The following SLC43A1 variants were observed in gnomAD, a reference collection of about 807,000 sequenced individuals.
SLC43A1 encodes large neutral amino acids transporter small subunit 3.
Under a neutral mutation model 59.5 loss-of-function variants are expected in SLC43A1, and 31 were observed. That is an observed-to-expected ratio of 0.52 (90% CI 0.39 to 0.70). The LOEUF is 0.70. Among genes scored for constraint, SLC43A1 ranks in the 30% least tolerant of loss-of-function variants. The pLI is 0.00. For missense variants in SLC43A1, 598 were observed against 717.8 expected (o/e 0.83, Z 1.91); for synonymous variants, 259 against 290.9 (o/e 0.89, Z 1.12).
chr11:57,501,214 G>C lies in SLC43A1; in HGVS notation c.270C>G (p.Thr90=), dbSNP rs1944257461. The change falls in exon 3 of 15, where the codon ACC becomes ACG. Residue 90 remains threonine, a synonymous_variant. Coordinates refer to ENST00000278426, the MANE Select transcript of SLC43A1 (RefSeq NM_003627.6). ...CCATGAGGATCCCCAGTGGCAGGGT[G>C]GTGGCGCTGAGCACGAAGGAACCAA... ...FTIGSFVLSA[T]TLPLGILMDR... 5.0e-6 allele frequency: 8 copies of C among 1,612,376 alleles called. No individual in the cohort carries two copies. Among genetic ancestry groups the C allele is most frequent in the Non-Finnish European group, 6.8e-6 (8 of 1,180,028 alleles).
At chr11:57,487,312 C>T in intron 13 of SLC43A1, 94 bp from the exon 14 acceptor site, 1 of 1,482,334 alleles carries the variant, frequency 6.7e-7, no homozygotes, top group Non-Finnish European at 9.2e-7. Flanking sequence ...TCCCCGCTGG[C>T]CAGGCAGGGT....
Position 57,489,397 on chromosome 11 carries a change from G to A in SLC43A1, c.1194-5C>T. On this transcript the variant is annotated splice_region_variant and splice_polypyrimidine_tract_variant and intron_variant, in intron 11 of 14. Transcript: ENST00000278426. The stretch of plus-strand genomic sequence containing the variant: ...GATTTGGTAGCAACCCCGTCCCTGA[G>A]GAGTACGGGAAGTCACTGGCTGCTG... The A allele has an allele frequency of 1.2e-6, 2 of 1,614,076 alleles. No homozygotes were observed. The highest frequency in any genetic ancestry group is 1.7e-6 in the Non-Finnish European group (2 of 1,179,960).
intron 11 of SLC43A1, among the ~76,000 whole-genome samples, chr11:57,490,232 C>T (rs1590747540): frequency 6.6e-6 from 1 of 152,000 alleles, no homozygotes; most frequent in East Asian, 1.9e-4. Flanking sequence ...TCGCTTGAAC[C>T]TGGGAGGCAG....
chr11:57,496,504 C>T (rs557457370), intron 6 of SLC43A1, among the ~76,000 whole-genome samples: 37 of 152,302 alleles, frequency 2.4e-4, no homozygotes, highest in African/African-American at 8.7e-4. Flanking sequence ...TGTTCATGTT[C>T]GCACAAAAAT....
At position 57,495,359 on chromosome 11, in the gene SLC43A1, G is replaced by A. The variant is rs376899200; in HGVS notation, c.692+672C>T. On this transcript the variant is annotated intron_variant, in intron 7 of 14. Transcript: ENST00000278426. ...ACAAAAATTAGCTGGGTGTGGTGGC[G>A]CGTGCCTGTAATCCCAGCTATTCAG... is the stretch of plus-strand genomic sequence containing the variant. Among the ~76,000 whole-genome samples, 27 of 152,030 alleles carry A rather than the reference G, an allele frequency of 1.8e-4. No homozygotes were observed. The East Asian group carries it at 2.4e-3, about 13-fold the overall frequency.
rs2135134350 is a variant in SLC43A1, at chr11:57,484,933, C to T, written c.*163G>A. ...GGGGGCGTTTTTGAAGGTTTTTTTT[C>T]CTCCTTTTTGCAGTCTTTACAAAAA... On this transcript the variant is annotated 3_prime_UTR_variant, in exon 15 of 15. Transcript: ENST00000278426. 1.2e-6 allele frequency: 1 copy of T among 853,872 alleles called. No homozygotes were observed. Among genetic ancestry groups the T allele is most frequent in the African/African-American group, 1.7e-5 (1 of 58,194 alleles). The allele number at this position is 853,872 out of a possible 1,614,324, so 52.9% of individuals were successfully genotyped here. A position where few individuals can be genotyped will look rare whatever the true frequency, so the allele number is the denominator to read the frequency against.
chr11:57,487,958 G>C lies in SLC43A1; in HGVS notation c.1410-740C>G, dbSNP rs767554502. On this transcript the variant is annotated intron_variant, in intron 13 of 14. Coordinates refer to ENST00000278426, the MANE Select transcript of SLC43A1 (RefSeq NM_003627.6). ...TGGCTGTGGCAGAGTGAACAATGGA[G>C]GAGGGGGAGCTAGAGGGGAGTGAAG... Among the ~76,000 whole-genome samples the C allele has an allele frequency of 5.3e-4, 81 of 152,312 alleles. 1 individual carries two copies. The highest frequency in any genetic ancestry group is 4.0e-3 in the Admixed American group (61 of 15,304).
chr11:57,508,852 C>A (rs1944456418), intron 2 of SLC43A1, among the ~76,000 whole-genome samples: 1 of 152,144 alleles, frequency 6.6e-6, no homozygotes, highest in South Asian at 2.1e-4. Context: ...CACGGTGGCT[C>A]CCACCTGTAA....
chr11:57,487,496 TG>T (rs1290614915), intron 13 of SLC43A1, among the ~76,000 whole-genome samples: 1 of 152,128 alleles, frequency 6.6e-6, no homozygotes, highest in Non-Finnish European at 1.5e-5. Flanking sequence ...GGGATGGCAT[TG>T]ACCTCGCAGG....
intron 2 of SLC43A1, among the ~76,000 whole-genome samples, chr11:57,504,017 C>A (rs1310153653): frequency 6.6e-6 from 1 of 151,890 alleles, no homozygotes; most frequent in Non-Finnish European, 1.5e-5. Context: ...CACGGTGAAA[C>A]CCCATCTCTA....
At chr11:57,503,264 G>C (rs1018149068) in intron 2 of SLC43A1, among the ~76,000 whole-genome samples, 4 of 148,128 alleles carry the variant, frequency 2.7e-5, no homozygotes, top group African/African-American at 5.0e-5. Context: ...CTATAATTTA[G>C]TGATCTTTAT....
chr11:57,489,666 G>A lies in SLC43A1; in HGVS notation c.1194-274C>T, dbSNP rs186098560. ...TCATCTCGGCCCTCAGAATCTCAGCGGGGATATCTGCAAATCTGCATTTGG... is the reference window on the plus strand; with the variant it reads ...TCATCTCGGCCCTCAGAATCTCAGCAGGGATATCTGCAAATCTGCATTTGG... On this transcript the variant is annotated intron_variant, in intron 11 of 14. Coordinates refer to ENST00000278426, the MANE Select transcript of SLC43A1 (RefSeq NM_003627.6). 1.2e-4 allele frequency among the ~76,000 whole-genome samples: 19 copies of A among 152,226 alleles called. No homozygotes were observed. In the East Asian group the frequency reaches 2.9e-3, roughly 23 times the overall value.
chr11:57,499,942 C>G (rs1040137678), intron 5 of SLC43A1, among the ~76,000 whole-genome samples: 4 of 152,164 alleles, frequency 2.6e-5, no homozygotes, highest in Admixed American at 2.6e-4. Flanking sequence ...TCCTTTAGAG[C>G]TGTGAAATGT....
At chr11:57,512,784 A>G (rs1323000454) in intron 2 of SLC43A1, among the ~76,000 whole-genome samples, 1 of 151,524 alleles carries the variant, frequency 6.6e-6, no homozygotes, top group Non-Finnish European at 1.5e-5. Context: ...CTGTCACCCC[A>G]TAATTGGGGC....
At chr11:57,504,280 G>T (rs1002016741) in intron 2 of SLC43A1, among the ~76,000 whole-genome samples, 1 of 152,180 alleles carries the variant, frequency 6.6e-6, no homozygotes. Flanking sequence ...GCCAGGGCTT[G>T]CCTTCTCAAG....
intron 2 of SLC43A1, among the ~76,000 whole-genome samples, chr11:57,504,847 C>T (rs1320239804): frequency 6.6e-6 from 1 of 152,168 alleles, no homozygotes; most frequent in Non-Finnish European, 1.5e-5. Context: ...CCTGTTTTAT[C>T]GATCAGCCTT....
At chr11:57,513,506 A>C (rs1280368131) in intron 2 of SLC43A1, among the ~76,000 whole-genome samples, 2 of 152,230 alleles carry the variant, frequency 1.3e-5, no homozygotes, top group Non-Finnish European at 2.9e-5. Flanking sequence ...AGAGTAAATG[A>C]GGCTATGTAA....
At chr11:57,494,487 G>A in intron 7 of SLC43A1, 1 of 372,734 alleles carries the variant, frequency 2.7e-6, no homozygotes, top group Non-Finnish European at 4.8e-6. Context: ...ACCCTCCTTT[G>A]AATGGCATGA....
rs1447985791 is a variant in SLC43A1, at chr11:57,485,242, C to T, written c.1534G>A (p.Val512Met). 2 of 1,611,066 alleles carry T rather than the reference C, an allele frequency of 1.2e-6. No homozygotes were observed. Among genetic ancestry groups the T allele is most frequent in the South Asian group, 1.1e-5 (1 of 90,658 alleles). The change falls in exon 15 of 15, where the codon GTG (valine) becomes ATG (methionine). Residue 512 changes from valine to methionine, a missense_variant and splice_region_variant. Physicochemically the swap from Val to Met is conservative, Grantham distance 21 (BLOSUM62 1). Coordinates refer to ENST00000278426, the MANE Select transcript of SLC43A1 (RefSeq NM_003627.6). ...VGPLKGEPFW[V>M]NLGLLLFSLL... ...GAGAATAGCAGGAGGCCCAGATTCA[C>T]CTTTAGGGCAAGGAGAGAGAAACAG...
Sources: gnomAD v4.1 joint callset for allele counts (sites outside exome capture counted in the v4.1 genomes callset) on GRCh38, gnomAD v4.1.1 for gene constraint, MANE v1.5 for transcripts, NCBI Gene and HGNC (gene_info 2026-07-23, HGNC 2026-07-21) for gene names.